Variants in NBEAL1 observed in about 807,000 individuals in gnomAD.
NBEAL1 encodes the protein neurobeachin-like protein 1.
A neutral mutation model predicts 351.3 loss-of-function variants in NBEAL1; 273 were observed. That is an observed-to-expected ratio of 0.78 (90% CI 0.70 to 0.86). NBEAL1 has a LOEUF of 0.86. NBEAL1 is among the 40% of genes least tolerant of loss of function. The probability of loss-of-function intolerance (pLI) is 0.00; values close to 1 mark genes in which losing one functional copy is unlikely to be tolerated. For synonymous variants in NBEAL1, 1,050 were observed against 1,086.4 expected, an observed-to-expected ratio of 0.97 and a Z score of 0.66; for missense variants, 2,961 against 3,201.3, an observed-to-expected ratio of 0.92 and a Z score of 1.81.
chr2:203,057,152 A>T (rs530712905), intron 5 of NBEAL1, among the ~76,000 whole-genome samples, 174 bp from the exon 6 acceptor site: 1 of 152,286 alleles, frequency 6.6e-6, no homozygotes, highest in South Asian at 2.1e-4. Context: ...GTGTTTGGCT[A>T]TTTATTTTAA....
chr2:203,076,743 C>T (rs1001035911), intron 7 of NBEAL1, among the ~76,000 whole-genome samples: 2 of 151,702 alleles, frequency 1.3e-5, no homozygotes, highest in Non-Finnish European at 2.9e-5. Context: ...AGGTGCCCGC[C>T]ACCACACCTG....
At chr2:203,067,492 TTTC>T (rs1167109600) in intron 6 of NBEAL1, among the ~76,000 whole-genome samples, 1 of 152,226 alleles carries the variant, frequency 6.6e-6, no homozygotes, top group Non-Finnish European at 1.5e-5. Flanking sequence ...TCAATTGACA[TTTC>T]TTCTTAGGTT....
chr2:203,045,717 A>G (rs915947110), intron 3 of NBEAL1, among the ~76,000 whole-genome samples: 11 of 152,232 alleles, frequency 7.2e-5, no homozygotes, highest in Non-Finnish European at 1.3e-4. Flanking sequence ...TTAATTAAAC[A>G]GCCTTTTACT....
At chr2:203,059,060 A>G (rs1279073166) in intron 6 of NBEAL1, among the ~76,000 whole-genome samples, 2 of 152,148 alleles carry the variant, frequency 1.3e-5, no homozygotes, top group Non-Finnish European at 2.9e-5. Context: ...CTGCAACACG[A>G]TTGCAGCATT....
At chr2:203,142,529 A>C (rs1187898160) in intron 31 of NBEAL1, among the ~76,000 whole-genome samples, 1 of 152,188 alleles carries the variant, frequency 6.6e-6, no homozygotes, top group African/African-American at 2.4e-5. Context: ...AAAAGAAAGC[A>C]ATATATGTAT....
chr2:203,094,874 C>A (rs1403128924), intron 10 of NBEAL1, among the ~76,000 whole-genome samples: 2 of 152,178 alleles, frequency 1.3e-5, no homozygotes, highest in African/African-American at 2.4e-5. Flanking sequence ...GTAATCCCAG[C>A]ACTTTTGGAG....
At chr2:203,111,890 A>T in intron 15 of NBEAL1, 89 bp from the exon 16 acceptor site, 1 of 1,388,142 alleles carries the variant, frequency 7.2e-7, no homozygotes. Context: ...TACTATTTGT[A>T]CAAATTATAG....
intron 26 of NBEAL1, 70 bp from the exon 27 acceptor site, chr2:203,132,988 G>T: frequency 1.5e-6 from 1 of 658,368 alleles, no homozygotes. Flanking sequence ...TTTTATACAA[G>T]TATTATCCAC....
At chr2:203,121,898 C>T (rs1014120305) in intron 18 of NBEAL1, among the ~76,000 whole-genome samples, 122 of 151,926 alleles carry the variant, frequency 8.0e-4, no homozygotes, top group Non-Finnish European at 1.4e-3. Flanking sequence ...CAATTCTCCT[C>T]CCTCAGCCTC....
At chr2:203,199,253 G>T in intron 48 of NBEAL1, 85 bp from the exon 49 acceptor site, 1 of 727,828 alleles carries the variant, frequency 1.4e-6, no homozygotes. Context: ...AGTGATAAAT[G>T]CCAATGTCAT....
At chr2:203,064,147 G>A (rs187201887) in intron 6 of NBEAL1, among the ~76,000 whole-genome samples, 39 of 152,076 alleles carry the variant, frequency 2.6e-4, no homozygotes, top group Non-Finnish European at 4.3e-4. Flanking sequence ...TCCGCCTCCC[G>A]GGTTCAAACA....
intron 10 of NBEAL1, among the ~76,000 whole-genome samples, chr2:203,095,583 G>T (rs761526139): frequency 6.7e-6 from 1 of 150,240 alleles, no homozygotes; most frequent in Non-Finnish European, 1.5e-5. Context: ...GAGCCACCGC[G>T]CCCGGCCCAA....
At chr2:203,206,829 CCCGG>C (rs1384114564) in intron 51 of NBEAL1, among the ~76,000 whole-genome samples, 1 of 151,158 alleles carries the variant, frequency 6.6e-6, no homozygotes, top group Non-Finnish European at 1.5e-5. Context: ...GCAGCCTCTG[CCCGG>C]CCGCCACCCC....
chr2:203,108,546 CCGCCA>C (rs1314300325), intron 14 of NBEAL1, among the ~76,000 whole-genome samples: 1 of 151,924 alleles, frequency 6.6e-6, no homozygotes, highest in Non-Finnish European at 1.5e-5. Context: ...CTACAGGCAC[CCGCCA>C]CCACGCCCAG....
intron 27 of NBEAL1, among the ~76,000 whole-genome samples, chr2:203,134,536 C>T (rs2063153636): frequency 6.6e-6 from 1 of 152,174 alleles, no homozygotes; most frequent in Non-Finnish European, 1.5e-5. Flanking sequence ...ATCTCTTGCT[C>T]TGAAAATTGT....
rs148210545 is a variant in NBEAL1, at chr2:203,016,343, AT to A, written c.-35del. 7 of 1,406,544 alleles carry A rather than the reference AT, an allele frequency of 5.0e-6. No individual in the cohort carries two copies. Among genetic ancestry groups the A allele is most frequent in the African/African-American group, 1.4e-5 (1 of 69,728 alleles). The allele number at this position is 1,406,544 out of a possible 1,614,324, so 87.1% of individuals were successfully genotyped here. Reference sequence around the variant, plus strand: ...TGGACATGCTGTAGTCTTGAACATAATTTTTTTAAGGAAAACTTAAAGTGCC... The same window carrying A: ...TGGACATGCTGTAGTCTTGAACATAATTTTTTAAGGAAAACTTAAAGTGCC... On this transcript the variant is annotated 5_prime_UTR_variant, in exon 2 of 56. Coordinates refer to ENST00000683969, the MANE Select transcript of NBEAL1 (RefSeq NM_001378026.1).
chr2:203,109,356 T>C (rs960551099), intron 14 of NBEAL1, among the ~76,000 whole-genome samples: 3 of 151,870 alleles, frequency 2.0e-5, no homozygotes, highest in African/African-American at 7.3e-5. Context: ...AGATTCTGCT[T>C]CAAAAAAAAG....
chr2:203,110,397 G>T (rs767988746), intron 15 of NBEAL1, 115 bp downstream of exon 15: 6 of 1,101,584 alleles, frequency 5.4e-6, no homozygotes, highest in East Asian at 2.6e-5. Context: ...GAGGCTGGGC[G>T]CAGTGGCACA....
chr2:203,015,483 C>T (rs1275114542), intron 1 of NBEAL1, among the ~76,000 whole-genome samples: 18 of 151,050 alleles, frequency 1.2e-4, no homozygotes, highest in Non-Finnish European at 8.9e-5. Context: ...CCACCCCAGA[C>T]GGAGTCTTGC....
Sources: allele counts gnomAD v4.1 joint callset (sites outside exome capture counted in the v4.1 genomes callset), GRCh38; gene constraint gnomAD v4.1.1; transcripts MANE v1.5; gene names NCBI Gene and HGNC (gene_info 2026-07-23, HGNC 2026-07-21).